Variants in NFE2L2 observed in about 807,000 individuals in gnomAD.
The protein encoded by NFE2L2 is nuclear factor erythroid 2-related factor 2.
In NFE2L2, 20 loss-of-function variants were observed where a neutral mutation model predicts 49.6. The observed-to-expected ratio is 0.40, with a 90% CI of 0.28 to 0.59. The LOEUF (loss-of-function observed/expected upper bound fraction) is 0.59. NFE2L2 is among the 20% of genes least tolerant of loss of function. The probability of loss-of-function intolerance (pLI) is 0.40; values close to 1 mark genes in which losing one functional copy is unlikely to be tolerated. For missense variants in NFE2L2, 578 were observed against 714.2 expected, an observed-to-expected ratio of 0.81 and a Z score of 2.17; for synonymous variants, 244 against 256.5, an observed-to-expected ratio of 0.95 and a Z score of 0.47.
At chr2:177,249,261 C>T (rs754672754) in intron 1 of NFE2L2, among the ~76,000 whole-genome samples, 1 of 150,768 alleles carries the variant, frequency 6.6e-6, no homozygotes, top group African/African-American at 2.5e-5. Context: ...GCATTTTCTT[C>T]ACTCCGGATC....
intron 3 of NFE2L2, 84 bp downstream of exon 3, chr2:177,233,166 C>A: frequency 9.0e-7 from 1 of 1,116,926 alleles, no homozygotes; most frequent in African/African-American, 1.7e-5. Context: ...AATGGAGATT[C>A]ATTGACGGGA....
chr2:177,240,145 C>T (rs750703581), intron 1 of NFE2L2, among the ~76,000 whole-genome samples: 3 of 152,122 alleles, frequency 2.0e-5, no homozygotes, highest in Admixed American at 2.0e-4. Context: ...AGGAAATAAT[C>T]GTCTGGGTGG....
chr2:177,256,919 A>G (rs1690547097), intron 1 of NFE2L2, among the ~76,000 whole-genome samples: 1 of 152,230 alleles, frequency 6.6e-6, no homozygotes, highest in Non-Finnish European at 1.5e-5. Flanking sequence ...CAGCTTCAGA[A>G]GCCCCCCAAC....
chr2:177,242,111 A>G (rs1031086917), intron 1 of NFE2L2, among the ~76,000 whole-genome samples: 4 of 152,154 alleles, frequency 2.6e-5, no homozygotes, highest in African/African-American at 7.2e-5. Context: ...CCCACATTCC[A>G]GTACTTTTGG....
chr2:177,240,270 C>T (rs563373754), intron 1 of NFE2L2, among the ~76,000 whole-genome samples: 3 of 152,134 alleles, frequency 2.0e-5, no homozygotes, highest in African/African-American at 7.2e-5. Flanking sequence ...TGCAAGTCCC[C>T]CATGGAGGAA....
intron 1 of NFE2L2, among the ~76,000 whole-genome samples, chr2:177,240,469 A>T (rs941948156): frequency 2.6e-5 from 4 of 151,846 alleles, no homozygotes; most frequent in Non-Finnish European, 2.9e-5. Context: ...TGGTGTCTGA[A>T]TTTTTTTTGC....
In NFE2L2 at chr2:177,235,663, C is replaced by T. The variant is rs543344796; in HGVS notation, c.46-1392G>A. ...CACCATAGTGACACCTGTTTCTACC[C>T]AAAATCAAAACAAATTAGTTGCACG... On this transcript the variant is annotated intron_variant, in intron 1 of 4. Transcript: ENST00000397062. Among the ~76,000 whole-genome samples the T allele has an allele frequency of 4.6e-5, 7 of 152,076 alleles. No homozygotes were observed. The South Asian group carries it at 8.3e-4, about 18-fold the overall frequency.
At chr2:177,245,135 A>G (rs901466726) in intron 1 of NFE2L2, among the ~76,000 whole-genome samples, 2 of 152,048 alleles carry the variant, frequency 1.3e-5, no homozygotes, top group African/African-American at 4.8e-5. Flanking sequence ...GCTCAAGGAA[A>G]ATTCTCATAC....
chr2:177,232,826 A>T, intron 3 of NFE2L2: 1 of 516,762 alleles, frequency 1.9e-6, no homozygotes, highest in South Asian at 2.9e-5. Flanking sequence ...CGTAAGTACA[A>T]TCTTTAGGAT....
At chr2:177,237,855 GCTT>G (rs1689806179) in intron 1 of NFE2L2, among the ~76,000 whole-genome samples, 6 of 152,130 alleles carry the variant, frequency 3.9e-5, no homozygotes, top group African/African-American at 1.4e-4. Flanking sequence ...AGCTTGGGCC[GCTT>G]CTTCTCAGTA....
At position 177,264,552 on chromosome 2, in the gene NFE2L2, G is replaced by C. The variant is rs1281092624; in HGVS notation, c.25C>G (p.Pro9Ala). Residue 9 changes from proline to alanine, a missense_variant, in exon 1 of 5, where the codon CCG (proline) becomes GCG (alanine). Pro to Ala is a conservative substitution (Grantham distance 27). Coordinates refer to ENST00000397062, the MANE Select transcript of NFE2L2 (RefSeq NM_006164.5). Reference protein sequence around the residue: MMDLELPPPGLPSQQDMDL... With the variant: MMDLELPPAGLPSQQDMDL... ...AGCACCTGCTGGGACGGGAGTCCCGGCGGCGGCAGCTCCAAGTCCATCATG... is the reference window on the plus strand; with the variant it reads ...AGCACCTGCTGGGACGGGAGTCCCGCCGGCGGCAGCTCCAAGTCCATCATG... 1 of 1,519,796 alleles carries C rather than the reference G, an allele frequency of 6.6e-7. No individual in the cohort carries two copies. The highest frequency in any genetic ancestry group is 8.8e-7 in the Non-Finnish European group (1 of 1,132,754). The allele number at this position is 1,519,796 out of a possible 1,614,324, so 94.1% of individuals were successfully genotyped here.
intron 1 of NFE2L2, among the ~76,000 whole-genome samples, chr2:177,261,182 A>AAAC (rs1690724517): frequency 2.1e-5 from 3 of 146,182 alleles, no homozygotes; most frequent in African/African-American, 7.8e-5. Context: ...AAAAAAAAAA[A>AAAC]AAACAAAAAA....
chr2:177,241,698 T>A (rs1388444754), intron 1 of NFE2L2, among the ~76,000 whole-genome samples: 1 of 151,736 alleles, frequency 6.6e-6, no homozygotes, highest in African/African-American at 2.4e-5. Flanking sequence ...TACAAAAAAA[T>A]TTAAAAATTA....
Position 177,232,817 on chromosome 2 carries a change from G to A in NFE2L2, c.403-234C>T, listed in dbSNP as rs115297462. On this transcript the variant is annotated intron_variant, in intron 3 of 4. Coordinates refer to ENST00000397062, the MANE Select transcript of NFE2L2 (RefSeq NM_006164.5). ...CATTTGAAAGTAAACTTTAAAATGC[G>A]TAAGTACAATCTTTAGGATTTAGTT... The A allele has an allele frequency of 4.2e-4, 218 of 524,484 alleles. 3 individuals carry two copies. The highest frequency in any genetic ancestry group is 3.3e-3 in the African/African-American group (176 of 53,004). 32.5% of individuals were successfully genotyped at this position (524,484 alleles called of 1,614,324 possible).
rs374210352 is a variant in NFE2L2, at chr2:177,234,136, G to T, written c.181C>A (p.Gln61Lys). The T allele has an allele frequency of 6.2e-7, 1 of 1,614,032 alleles. No individual in the cohort carries two copies. Among genetic ancestry groups the T allele is most frequent in the Non-Finnish European group, 8.5e-7 (1 of 1,180,036 alleles). The change falls in exon 2 of 5, where the codon CAA becomes AAA. Residue 61 changes from glutamine (Q) to lysine (K), a missense_variant. By Grantham distance (53) the Gln-to-Lys change is moderately conservative. Coordinates refer to ENST00000397062, the MANE Select transcript of NFE2L2 (RefSeq NM_006164.5). ...QKKLEKERQE[Q>K]LQKEQEKAFF... ...GCTTTCTCTTGCTCCTTTTGGAGTT[G>T]TTCTTGTCTTTCCTTTTCAAGTTTT...
chr2:177,238,239 CT>C lies in NFE2L2; in HGVS notation c.46-3969del, dbSNP rs1476416329. The stretch of plus-strand genomic sequence containing the variant: ...GATAAAAATCAGTAAAAGGTTGTGA[CT>C]TTTTCATGCAACTGAAGCAATTTAG... On this transcript the variant is annotated intron_variant, in intron 1 of 4. Transcript: ENST00000397062. Among the ~76,000 whole-genome samples the C allele has an allele frequency of 4.6e-5, 7 of 152,272 alleles. No individual in the cohort carries two copies. In the East Asian group the frequency reaches 1.2e-3, roughly 25 times the overall value.
intron 1 of NFE2L2, among the ~76,000 whole-genome samples, chr2:177,262,578 TTC>T (rs1244255288): frequency 6.6e-6 from 1 of 152,260 alleles, no homozygotes; most frequent in African/African-American, 2.4e-5. Context: ...CTTGTTCTTT[TTC>T]TGTTTTCAAA....
At chr2:177,252,312 C>G (rs1006325194) in intron 1 of NFE2L2, among the ~76,000 whole-genome samples, 5 of 152,270 alleles carry the variant, frequency 3.3e-5, no homozygotes, top group Non-Finnish European at 4.4e-5. Context: ...CACTTTGTAC[C>G]GTGCCCAGTG....
chr2:177,250,687 A>C (rs892368623), intron 1 of NFE2L2, among the ~76,000 whole-genome samples: 5 of 152,210 alleles, frequency 3.3e-5, no homozygotes, highest in Non-Finnish European at 5.9e-5. Context: ...GTGAGATCCA[A>C]CTCAGGTTTA....
Sources: gnomAD v4.1 joint callset for allele counts (sites outside exome capture counted in the v4.1 genomes callset) on GRCh38, gnomAD v4.1.1 for gene constraint, MANE v1.5 for transcripts, NCBI Gene and HGNC (gene_info 2026-07-23, HGNC 2026-07-21) for gene names.